The following AP1M1 variants were observed in gnomAD, a reference collection of about 807,000 sequenced individuals.
The protein encoded by AP1M1 is AP-1 complex subunit mu-1.
AP1M1 carries 18 observed loss-of-function variants against 57.1 expected under a neutral mutation model. That is an observed-to-expected ratio of 0.32 (90% CI 0.22 to 0.47). The LOEUF is 0.47. Ranked by LOEUF, AP1M1 falls within the 20% of genes least tolerant of loss-of-function variation. The pLI is 1.00. For missense variants in AP1M1, 362 were observed against 593.5 expected, an observed-to-expected ratio of 0.61 and a Z score of 4.05; for synonymous variants, 241 against 237.9, an observed-to-expected ratio of 1.01 and a Z score of -0.12.
In AP1M1 at chr19:16,228,547, C is replaced by T. The variant is rs115286010; in HGVS notation, c.889-223C>T. ...GCAGGGCAGAGGGAGGGATGAGGAG[C>T]CTTGGAAGCTGAGCAGACAGGAGGA... On this transcript the variant is annotated intron_variant, in intron 8 of 11. Transcript: ENST00000291439. This position sits in a 1 kb window ranked among gnomAD's most constrained non-coding sequence, Gnocchi z 5.0. Among the ~76,000 whole-genome samples the T allele has an allele frequency of 0.015, 2,289 of 152,234 alleles. 72 individuals carry two copies. The highest frequency in any genetic ancestry group is 0.051 in the African/African-American group (2,134 of 41,538).
In AP1M1 at chr19:16,237,984, AC is replaced by A. The variant is rs1568358094; in HGVS notation, c.*3550del. ...CTCTTGAGGAGCTGGGACTACAAGC[AC>A]ATGCCACCATGCTGGGCCAATTTTT... On this transcript the variant is annotated 3_prime_UTR_variant, in exon 12 of 12. Coordinates refer to ENST00000291439, the MANE Select transcript of AP1M1 (RefSeq NM_032493.4). 6.6e-6 allele frequency: 1 copy of A among 152,052 alleles called. No homozygotes were observed. The highest frequency in any genetic ancestry group is 2.4e-5 in the African/African-American group (1 of 41,408). 9.4% of individuals were successfully genotyped at this position (152,052 alleles called of 1,614,324 possible).
At chr19:16,220,383 GT>G in intron 5 of AP1M1, among the ~76,000 whole-genome samples, 1 of 151,638 alleles carries the variant, frequency 6.6e-6, no homozygotes, top group South Asian at 2.1e-4. Flanking sequence ...GGCTTTTGGG[GT>G]TTTTTTGTTT....
At chr19:16,209,008 C>T (rs2091481705) in intron 4 of AP1M1, 22 bp from the exon 5 acceptor site, 1 of 1,609,320 alleles carries the variant, frequency 6.2e-7, no homozygotes, top group Non-Finnish European at 8.5e-7. Flanking sequence ...ACCTCCTTCA[C>T]TCTGAGCGTG....
intron 1 of AP1M1, among the ~76,000 whole-genome samples, chr19:16,200,983 G>A (rs2091444445): frequency 6.6e-6 from 1 of 152,068 alleles, no homozygotes; most frequent in Admixed American, 6.6e-5. Flanking sequence ...GCATTTCTCT[G>A]GAGATCTAGT....
chr19:16,233,457 G>T lies in AP1M1; in HGVS notation c.1048-36G>T, dbSNP rs373385440. On this transcript the variant is annotated intron_variant, in intron 9 of 11. Coordinates refer to ENST00000291439, the MANE Select transcript of AP1M1 (RefSeq NM_032493.4). ...GAGCTGTTGGCTAAGCTGGGGCAGGGCCTAGGCCTGAGCGCCTCCCCCGTC... is the reference window on the plus strand; with the variant it reads ...GAGCTGTTGGCTAAGCTGGGGCAGGTCCTAGGCCTGAGCGCCTCCCCCGTC... 72 of 1,559,932 alleles carry T rather than the reference G, an allele frequency of 4.6e-5. No individual in the cohort carries two copies. The African/African-American group carries it at 9.2e-4, about 20-fold the overall frequency.
At chr19:16,226,824 A>AG in intron 6 of AP1M1, 1 of 334,362 alleles carries the variant, frequency 3.0e-6, no homozygotes, top group Non-Finnish European at 5.5e-6. Context: ...TGCCTGGGGC[A>AG]CTGGGGCCTA....
chr19:16,216,799 G>A (rs981867802), intron 5 of AP1M1, among the ~76,000 whole-genome samples: 1 of 152,214 alleles, frequency 6.6e-6, no homozygotes. Context: ...TTAAGAACCT[G>A]CTCTGCTAGA....
chr19:16,220,266 G>T (rs183405875), intron 5 of AP1M1, among the ~76,000 whole-genome samples: 1 of 152,134 alleles, frequency 6.6e-6, no homozygotes. Context: ...GGGCAGTAGC[G>T]TGAACACAGC....
At position 16,241,487 on chromosome 19, in the gene AP1M1, CGT is replaced by C. The variant is rs2091645451; in HGVS notation, c.*7053_*7054del. 6.6e-6 allele frequency: 1 copy of C among 152,134 alleles called. No individual in the cohort carries two copies. Among genetic ancestry groups the C allele is most frequent in the Admixed American group, 6.6e-5 (1 of 15,250 alleles). The allele number at this position is 152,134 out of a possible 1,614,324, so 9.4% of individuals were successfully genotyped here. On this transcript the variant is annotated 3_prime_UTR_variant, in exon 12 of 12. Coordinates refer to ENST00000291439, the MANE Select transcript of AP1M1 (RefSeq NM_032493.4). ...GTAAAGCAATAATAACAGTGACTAA[CGT>C]ATAGAGTAGCGACAAAAGGCGCAAC...
intron 10 of AP1M1, 101 bp downstream of exon 10, chr19:16,233,719 A>C: frequency 7.1e-7 from 1 of 1,415,704 alleles, no homozygotes; most frequent in Non-Finnish European, 9.5e-7. Flanking sequence ...GTCAGCTGCA[A>C]TCAGGACCCT....
chr19:16,199,318 C>T (rs2091437844), intron 1 of AP1M1, among the ~76,000 whole-genome samples: 2 of 152,256 alleles, frequency 1.3e-5, no homozygotes, highest in African/African-American at 4.8e-5. Context: ...AACTAGAACC[C>T]AGGCATCTTC....
chr19:16,206,226 T>G lies in AP1M1; in HGVS notation c.200-115T>G. On this transcript the variant is annotated intron_variant, in intron 2 of 11. Coordinates refer to ENST00000291439, the MANE Select transcript of AP1M1 (RefSeq NM_032493.4). This position sits in a 1 kb window ranked among gnomAD's most constrained non-coding sequence, Gnocchi z 4.3. ...CATGGGCCAAGTAAACGGCTGGGAG[T>G]GGGGATAGGGAAGGCTCTGAGGGTT... 9.7e-7 allele frequency: 1 copy of G among 1,029,136 alleles called. No individual in the cohort carries two copies. Among genetic ancestry groups the G allele is most frequent in the Non-Finnish European group, 1.5e-6 (1 of 681,772 alleles). 63.8% of individuals were successfully genotyped at this position (1,029,136 alleles called of 1,614,324 possible).
chr19:16,231,181 G>A (rs889241900), intron 9 of AP1M1, among the ~76,000 whole-genome samples: 4 of 151,386 alleles, frequency 2.6e-5, no homozygotes, highest in South Asian at 2.1e-4. Context: ...CCAGCTACTC[G>A]GGAGGCTGAG....
At chr19:16,211,101 G>GGTT (rs1555724142) in intron 5 of AP1M1, among the ~76,000 whole-genome samples, 2 of 39,254 alleles carry the variant, frequency 5.1e-5, no homozygotes, top group Non-Finnish European at 8.1e-5. Context: ...TCTTAGCAGT[G>GGTT]TTTTTTTTTT....
intron 2 of AP1M1, among the ~76,000 whole-genome samples, chr19:16,204,022 G>C (rs1177056186): frequency 6.6e-6 from 1 of 152,170 alleles, no homozygotes; most frequent in Non-Finnish European, 1.5e-5. Flanking sequence ...GGCTGGAGTG[G>C]TCAGCGGGGT....
Position 16,234,510 on chromosome 19 carries a change from C to A in AP1M1, c.*75C>A, listed in dbSNP as rs903539831. ...CAGGGGACACACCTGCCAAACCCAC[C>A]AGATGGAGGGGCCCTCCCTGGTCTC... On this transcript the variant is annotated 3_prime_UTR_variant, in exon 12 of 12. Transcript: ENST00000291439. 19 of 1,587,244 alleles carry A rather than the reference C, an allele frequency of 1.2e-5. No homozygotes were observed. Among genetic ancestry groups the A allele is most frequent in the Non-Finnish European group, 1.5e-5 (18 of 1,162,034 alleles).
At chr19:16,211,882 T>C (rs2091495769) in intron 5 of AP1M1, among the ~76,000 whole-genome samples, 1 of 152,202 alleles carries the variant, frequency 6.6e-6, no homozygotes, top group Non-Finnish European at 1.5e-5. Context: ...TTTAGTTCTA[T>C]TTATGTGATG....
intron 5 of AP1M1, among the ~76,000 whole-genome samples, chr19:16,216,536 C>T (rs1035985812): frequency 1.3e-5 from 2 of 152,006 alleles, no homozygotes; most frequent in African/African-American, 4.8e-5. Flanking sequence ...AGTCCTTGTG[C>T]TCGTTCTTTC....
intron 1 of AP1M1, among the ~76,000 whole-genome samples, chr19:16,201,970 G>A (rs903307151): frequency 1.3e-5 from 2 of 152,152 alleles, no homozygotes; most frequent in African/African-American, 4.8e-5. Flanking sequence ...CAGTTCAGCA[G>A]TGGGGGAGAG....
Sources: allele counts gnomAD v4.1 joint callset (sites outside exome capture counted in the v4.1 genomes callset), GRCh38; gene constraint gnomAD v4.1.1; non-coding constraint Gnocchi (gnomAD v3.1); transcripts MANE v1.5; gene names NCBI Gene and HGNC (gene_info 2026-07-23, HGNC 2026-07-21).